Variants in CCDC102B observed in about 807,000 individuals in gnomAD.
CCDC102B encodes the protein coiled-coil domain-containing protein 102B.
Under a neutral mutation model 57.4 loss-of-function variants are expected in CCDC102B, and 75 were observed. That is an observed-to-expected ratio of 1.31 (90% confidence interval 1.08 to 1.58). The LOEUF is 1.58. Among genes scored for constraint, CCDC102B ranks in the 40% most tolerant of loss-of-function variants. The pLI, the probability that CCDC102B is intolerant of heterozygous loss-of-function variation, is 0.00. For missense variants in CCDC102B, 636 were observed against 582.6 expected (o/e 1.09, Z -0.94); for synonymous variants, 206 against 201.9 (o/e 1.02, Z -0.17).
intron 2 of CCDC102B, among the ~76,000 whole-genome samples, chr18:68,745,054 C>A (rs554531065): frequency 3.3e-5 from 5 of 152,282 alleles, no homozygotes; most frequent in South Asian, 2.1e-4. Context: ...CAGACCTATT[C>A]ATCTTCACTT....
intron 6 of CCDC102B, among the ~76,000 whole-genome samples, chr18:68,914,747 TATTTC>T (rs879622794): frequency 5.9e-5 from 9 of 152,218 alleles, no homozygotes; most frequent in Non-Finnish European, 1.3e-4. Flanking sequence ...AGCTCACACT[TATTTC>T]AGTGTTTAAT....
intron 6 of CCDC102B, among the ~76,000 whole-genome samples, chr18:69,008,898 C>T (rs1006293169): frequency 2.0e-5 from 3 of 152,164 alleles, no homozygotes; most frequent in East Asian, 1.9e-4. Context: ...AAAAGGCTGC[C>T]ATATTATATT....
intron 7 of CCDC102B, among the ~76,000 whole-genome samples, chr18:69,024,258 T>C (rs1325157498): frequency 1.3e-5 from 2 of 152,060 alleles, no homozygotes; most frequent in African/African-American, 4.8e-5. Flanking sequence ...AGTGATTTTG[T>C]TACAAGACAT....
rs866725289 is a variant in CCDC102B at position 68,956,583 on chromosome 18, A to C, written c.1264-54351A>C. 0.012 allele frequency among the ~76,000 whole-genome samples: 566 copies of C among 46,658 alleles called. 29 individuals are homozygous for C. The East Asian group carries it at 0.12, about 10-fold the overall frequency. The allele number at this position is 46,658 out of a possible 152,430, so 30.6% of individuals were successfully genotyped here. A position where few individuals can be genotyped will look rare whatever the true frequency, so the allele number is the denominator to read the frequency against. On this transcript the variant is annotated intron_variant, in intron 6 of 7. Coordinates refer to ENST00000360242, the MANE Select transcript of CCDC102B (RefSeq NM_024781.3). ...ATATATTATATATTTTATATATATA[A>C]ATATTATATATATATTATATATATA... is the stretch of plus-strand genomic sequence containing the variant.
rs188420951 is a variant in CCDC102B, at chr18:68,950,301, G to A, written c.1263+52873G>A. ...TGTGTAGACAGTAGTATATTTCAGA[G>A]TATCCAGAGCTTAAGACTCAATCTA... On this transcript the variant is annotated intron_variant, in intron 6 of 7. Transcript: ENST00000360242. 3.2e-4 allele frequency among the ~76,000 whole-genome samples: 49 copies of A among 152,240 alleles called. 1 individual carries two copies. The highest frequency in any genetic ancestry group is 2.1e-3 in the Admixed American group (32 of 15,280).
chr18:68,775,081 C>T (rs1356804609), intron 2 of CCDC102B, among the ~76,000 whole-genome samples: 1 of 150,068 alleles, frequency 6.7e-6, no homozygotes, highest in South Asian at 2.1e-4. Flanking sequence ...ACTTTATAGT[C>T]ACATATAGAA....
At chr18:69,056,476 C>T (rs889247242), downstream of CCDC102B, among the ~76,000 whole-genome samples, 6 of 151,874 alleles carry the variant, frequency 4.0e-5, no homozygotes, top group African/African-American at 1.2e-4. Flanking sequence ...AGAGGGTAGA[C>T]GTGAATTTGA....
At chr18:68,790,374 G>A (rs1434832508) in intron 2 of CCDC102B, among the ~76,000 whole-genome samples, 4 of 151,834 alleles carry the variant, frequency 2.6e-5, no homozygotes, top group Admixed American at 2.0e-4. Flanking sequence ...CGAGCTTCTG[G>A]GCTGCTTTGT....
intron 2 of CCDC102B, among the ~76,000 whole-genome samples, chr18:68,783,893 G>T (rs2035092768): frequency 6.6e-6 from 1 of 152,090 alleles, no homozygotes; most frequent in South Asian, 2.1e-4. Context: ...GAGTGTTTTT[G>T]AGTATAATTG....
At chr18:68,845,950 G>A (rs1040973577) in intron 3 of CCDC102B, among the ~76,000 whole-genome samples, 9 of 151,746 alleles carry the variant, frequency 5.9e-5, no homozygotes, top group African/African-American at 1.9e-4. Context: ...ACAATATGAA[G>A]ATGGATAGAA....
intron 7 of CCDC102B, among the ~76,000 whole-genome samples, chr18:69,049,132 C>T (rs2052639274): frequency 6.6e-6 from 1 of 151,690 alleles, no homozygotes. Context: ...TGGTGGTTTG[C>T]TGCACCCATC....
chr18:68,761,881 T>C (rs904275761), intron 2 of CCDC102B, among the ~76,000 whole-genome samples: 2 of 152,286 alleles, frequency 1.3e-5, no homozygotes, highest in Admixed American at 1.3e-4. Flanking sequence ...TGATTTTCCA[T>C]TGCTTTTTTA....
chr18:68,790,835 A>G (rs866382960), intron 2 of CCDC102B, among the ~76,000 whole-genome samples: 20 of 152,154 alleles, frequency 1.3e-4, no homozygotes, highest in East Asian at 3.9e-4. Context: ...GTTCCTATTC[A>G]GCCATCTTGG....
intron 1 of CCDC102B, among the ~76,000 whole-genome samples, chr18:68,816,836 A>G (rs1445739534): frequency 6.6e-6 from 1 of 152,198 alleles, no homozygotes; most frequent in Admixed American, 6.5e-5. Context: ...CTATTTTAAG[A>G]TCAGTAATAA....
intron 1 of CCDC102B, among the ~76,000 whole-genome samples, chr18:68,814,246 G>C (rs2036390601): frequency 6.6e-6 from 1 of 151,584 alleles, no homozygotes; most frequent in Non-Finnish European, 1.5e-5. Flanking sequence ...GAATTTTCTA[G>C]CTGTGCAAAT....
At chr18:68,935,714 T>C (rs2049216279) in intron 6 of CCDC102B, among the ~76,000 whole-genome samples, 1 of 151,770 alleles carries the variant, frequency 6.6e-6, no homozygotes, top group Admixed American at 6.6e-5. Context: ...GTTTTCAAGG[T>C]TCAGAAGTCA....
chr18:68,882,740 C>T (rs2039737141), intron 5 of CCDC102B, among the ~76,000 whole-genome samples: 1 of 152,088 alleles, frequency 6.6e-6, no homozygotes, highest in East Asian at 1.9e-4. Flanking sequence ...TTTTTTACAT[C>T]TGGAAAATTA....
At chr18:68,955,828 T>C (rs1481458045) in intron 6 of CCDC102B, among the ~76,000 whole-genome samples, 1 of 152,092 alleles carries the variant, frequency 6.6e-6, no homozygotes, top group African/African-American at 2.4e-5. Context: ...TGAGATATTT[T>C]GATACAGGCT....
chr18:69,001,837 T>C (rs763141560), intron 6 of CCDC102B, among the ~76,000 whole-genome samples: 4 of 152,222 alleles, frequency 2.6e-5, no homozygotes, highest in Admixed American at 6.5e-5. Flanking sequence ...TCTCAGATAA[T>C]AGACATTCAT....
Sources: gnomAD v4.1 joint callset for allele counts (sites outside exome capture counted in the v4.1 genomes callset) on GRCh38, gnomAD v4.1.1 for gene constraint, MANE v1.5 for transcripts, NCBI Gene and HGNC (gene_info 2026-07-23, HGNC 2026-07-21) for gene names.